The following PLCL1 variants were observed in gnomAD, a reference collection of about 807,000 sequenced individuals.
PLCL1 encodes phospholipase C like 1 (inactive).
In PLCL1, 41 loss-of-function variants were observed where a neutral mutation model predicts 84.4. The observed-to-expected ratio is 0.49, with a 90% confidence interval of 0.38 to 0.63. The LOEUF is 0.63. PLCL1 is among the 30% of genes least tolerant of loss of function. The pLI, the probability that PLCL1 is intolerant of heterozygous loss-of-function variation, is 0.00. For synonymous variants in PLCL1, 490 were observed against 488.3 expected (o/e 1.00, Z -0.05); for missense variants, 1,206 against 1,367.8 (o/e 0.88, Z 1.87).
At chr2:197,810,184 C>T (rs899696138) in intron 1 of PLCL1, 24 of 474,510 alleles carry the variant, frequency 5.1e-5, no homozygotes, top group Admixed American at 7.9e-5. Flanking sequence ...CCCACAACTT[C>T]AGTTAGAATG....
intron 1 of PLCL1, among the ~76,000 whole-genome samples, chr2:198,002,605 C>T (rs1404279504): frequency 6.6e-6 from 1 of 152,066 alleles, no homozygotes; most frequent in Non-Finnish European, 1.5e-5. Flanking sequence ...GCCTCATTTC[C>T]AGTAACTTAG....
At chr2:198,055,752 AC>A (rs1416300048) in intron 1 of PLCL1, among the ~76,000 whole-genome samples, 1 of 152,156 alleles carries the variant, frequency 6.6e-6, no homozygotes, top group Non-Finnish European at 1.5e-5. Flanking sequence ...AGCCACCTTT[AC>A]ATCTTTTTCT....
At chr2:197,908,917 T>G (rs962903008) in intron 1 of PLCL1, among the ~76,000 whole-genome samples, 1 of 152,238 alleles carries the variant, frequency 6.6e-6, no homozygotes, top group South Asian at 2.1e-4. Flanking sequence ...CTCAACATGG[T>G]CAAGTATTTG....
At chr2:197,950,440 G>A (rs1689366695) in intron 1 of PLCL1, among the ~76,000 whole-genome samples, 1 of 152,114 alleles carries the variant, frequency 6.6e-6, no homozygotes. Flanking sequence ...CTGAGCATAA[G>A]CATGGGTGGG....
chr2:197,812,933 A>G (rs1050404539), intron 1 of PLCL1, among the ~76,000 whole-genome samples: 1 of 152,192 alleles, frequency 6.6e-6, no homozygotes, highest in African/African-American at 2.4e-5. Flanking sequence ...AACGACTTCA[A>G]ACAAAAGCAA....
At chr2:198,064,176 A>G (rs1035098409) in intron 1 of PLCL1, among the ~76,000 whole-genome samples, 4 of 152,180 alleles carry the variant, frequency 2.6e-5, no homozygotes, top group Non-Finnish European at 5.9e-5. Context: ...TCATATAATA[A>G]TAGTAGGTGT....
At chr2:197,810,873 T>TA (rs35896891) in intron 1 of PLCL1, among the ~76,000 whole-genome samples, 110,630 of 152,012 alleles carry the variant, frequency 0.73, 41,336 homozygotes, top group African/African-American at 0.9. Context: ...CTGTATATTT[T>TA]AAAAAACTAT....
rs191233104 is a variant in PLCL1 at position 197,973,350 on chromosome 2, C to T, written c.241-110408C>T. On this transcript the variant is annotated intron_variant, in intron 1 of 5. Transcript: ENST00000428675. ...TGAAGGTGAATTCTAGGAGATCTGA[C>T]TGTCCCAAGTAGGATGATACTTTAA... 4.5e-3 allele frequency among the ~76,000 whole-genome samples: 683 copies of T among 152,306 alleles called. 4 individuals carry two copies. The highest frequency in any genetic ancestry group is 0.016 in the African/African-American group (654 of 41,556).
intron 1 of PLCL1, among the ~76,000 whole-genome samples, chr2:198,080,353 A>G (rs1692680738): frequency 6.6e-6 from 1 of 152,174 alleles, no homozygotes; most frequent in African/African-American, 2.4e-5. Context: ...CTGATACTCA[A>G]CCTTCAACTT....
intron 1 of PLCL1, among the ~76,000 whole-genome samples, chr2:197,831,608 C>A (rs1254454357): frequency 6.6e-6 from 1 of 152,122 alleles, no homozygotes; most frequent in Non-Finnish European, 1.5e-5. Context: ...TTCAACAGAT[C>A]AACGAGACAG....
intron 1 of PLCL1, among the ~76,000 whole-genome samples, chr2:197,968,605 C>A (rs949139537): frequency 2.0e-5 from 3 of 152,152 alleles, no homozygotes; most frequent in Non-Finnish European, 4.4e-5. Context: ...TAACTTAATT[C>A]TCCAGTTTTA....
At position 198,084,922 on chromosome 2, in the gene PLCL1, C is replaced by G. The variant is rs765105645; in HGVS notation, c.1405C>G (p.Arg469Gly). The G allele has an allele frequency of 1.9e-6, 3 of 1,613,878 alleles. No homozygotes were observed. The highest frequency in any genetic ancestry group is 2.2e-5 in the South Asian group (2 of 91,068). ...RNNMTTHVSF[R>G]SVIEVINKFA... Reference sequence around the variant, plus strand: ...TAACATGACAACCCATGTTTCCTTTCGAAGTGTCATAGAGGTAATAAATAA... The same window carrying G: ...TAACATGACAACCCATGTTTCCTTTGGAAGTGTCATAGAGGTAATAAATAA... Residue 469 changes from arginine to glycine, a missense_variant, in exon 2 of 6, where the codon CGA (arginine) becomes GGA (glycine). Transcript: ENST00000428675.
chr2:198,105,601 GGTGTGTGTGTGTGTGTGT>G (rs72103336), intron 5 of PLCL1, among the ~76,000 whole-genome samples: 2 of 143,722 alleles, frequency 1.4e-5, no homozygotes, highest in African/African-American at 5.1e-5. Context: ...TAATTTGCCT[GGTGTGTGTGTGTGTGTGT>G]GTGTGTGTGT....
At chr2:198,001,405 G>C (rs963281274) in intron 1 of PLCL1, among the ~76,000 whole-genome samples, 2 of 152,230 alleles carry the variant, frequency 1.3e-5, no homozygotes, top group African/African-American at 4.8e-5. Flanking sequence ...GAACATACTT[G>C]TGTAACCAGA....
intron 1 of PLCL1, among the ~76,000 whole-genome samples, chr2:197,855,304 TA>T (rs1687309967): frequency 6.6e-6 from 1 of 152,178 alleles, no homozygotes; most frequent in Non-Finnish European, 1.5e-5. Context: ...GGCACACTGC[TA>T]TTTTTTTTCA....
At chr2:198,015,107 A>C (rs1186323463) in intron 1 of PLCL1, among the ~76,000 whole-genome samples, 3 of 152,140 alleles carry the variant, frequency 2.0e-5, no homozygotes. Context: ...TTTCCACTCC[A>C]CTAGAAACAG....
intron 1 of PLCL1, among the ~76,000 whole-genome samples, chr2:197,995,666 G>A (rs539969457): frequency 2.5e-4 from 38 of 152,132 alleles, no homozygotes; most frequent in Non-Finnish European, 5.0e-4. Context: ...CAATCTCAGC[G>A]TCAGCCATGT....
chr2:198,051,933 G>A (rs894601984), intron 1 of PLCL1, among the ~76,000 whole-genome samples: 1 of 150,166 alleles, frequency 6.7e-6, no homozygotes, highest in African/African-American at 2.5e-5. Context: ...TTTTGAGACC[G>A]AGTTTCACTC....
At chr2:198,050,321 A>G (rs1251974220) in intron 1 of PLCL1, among the ~76,000 whole-genome samples, 1 of 152,170 alleles carries the variant, frequency 6.6e-6, no homozygotes, top group Admixed American at 6.5e-5. Flanking sequence ...AAGAAAGTAA[A>G]AGTAACTCTT....
Sources: gnomAD v4.1 joint callset for allele counts (sites outside exome capture counted in the v4.1 genomes callset) on GRCh38, gnomAD v4.1.1 for gene constraint, MANE v1.5 for transcripts, NCBI Gene and HGNC (gene_info 2026-07-23, HGNC 2026-07-21) for gene names.